The following RFC1 variants were observed in gnomAD, a reference collection of about 807,000 sequenced individuals.
The protein encoded by RFC1 is A1 140 kDa subunit.
A neutral mutation model predicts 137.4 loss-of-function variants in RFC1; 37 were observed. The ratio of observed to expected loss-of-function variants is 0.27; its 90% CI spans 0.21 to 0.35. RFC1 has a LOEUF of 0.35. RFC1 is among the 10% of genes least tolerant of loss of function. The probability of loss-of-function intolerance (pLI) is 1.00; values close to 1 mark genes in which losing one functional copy is unlikely to be tolerated. For synonymous variants in RFC1, 429 were observed against 455.7 expected (o/e 0.94, Z 0.75); for missense variants, 1,205 against 1,358.5 (o/e 0.89, Z 1.78).
intron 4 of RFC1, among the ~76,000 whole-genome samples, chr4:39,340,353 CCAGA>C (rs1414117606): frequency 2.0e-5 from 3 of 152,134 alleles, no homozygotes; most frequent in Non-Finnish European, 4.4e-5. Flanking sequence ...GCTCCAATCT[CCAGA>C]CAATCAATAC....
chr4:39,301,791 T>C (rs1738375247), intron 19 of RFC1, among the ~76,000 whole-genome samples: 2 of 152,288 alleles, frequency 1.3e-5, no homozygotes, highest in South Asian at 4.1e-4. Context: ...ACCAAAAATT[T>C]TGAAAATTTA....
Position 39,366,325 on chromosome 4 carries a change from C to G in RFC1, c.-84G>C. On this transcript the variant is annotated 5_prime_UTR_variant, in exon 1 of 25. Coordinates refer to ENST00000349703, the MANE Select transcript of RFC1 (RefSeq NM_002913.5). ...TATCGAGGCTCAGGATCCATTCGCG[C>G]CAACAACTTCTCCCGCGAAGTGCAA... 7.2e-7 allele frequency: 1 copy of G among 1,383,298 alleles called. No homozygotes were observed. Among genetic ancestry groups the G allele is most frequent in the Non-Finnish European group, 9.5e-7 (1 of 1,053,074 alleles). The allele number at this position is 1,383,298 out of a possible 1,614,324, so 85.7% of individuals were successfully genotyped here. A position where few individuals can be genotyped will look rare whatever the true frequency, so the allele number is the denominator to read the frequency against.
intron 1 of RFC1, chr4:39,355,884 C>T (rs1466602387): frequency 6.6e-6 from 1 of 151,886 alleles, no homozygotes; most frequent in Non-Finnish European, 1.5e-5. Flanking sequence ...CACCTGTAGT[C>T]CCAGCTACTT....
At chr4:39,350,824 C>G (rs887848087) in intron 2 of RFC1, among the ~76,000 whole-genome samples, 3 of 152,030 alleles carry the variant, frequency 2.0e-5, no homozygotes, top group Non-Finnish European at 4.4e-5. Flanking sequence ...ATAGCAAATA[C>G]GTGCATAAAA....
chr4:39,330,487 G>A (rs535229720), intron 4 of RFC1, among the ~76,000 whole-genome samples: 6 of 152,064 alleles, frequency 3.9e-5, no homozygotes, highest in African/African-American at 1.4e-4. Flanking sequence ...CTCCCTCCAA[G>A]GGCCTCCAAA....
chr4:39,355,098 TACACACACACACACACACAC>T (rs59438877), intron 1 of RFC1, among the ~76,000 whole-genome samples: 11 of 88,964 alleles, frequency 1.2e-4, no homozygotes, highest in Admixed American at 3.7e-4. Context: ...AAAAAAAAAA[TACACACACACACACACACAC>T]ACACACACAC....
At position 39,295,632 on chromosome 4, in the gene RFC1, G is replaced by A. The variant is rs755911170; in HGVS notation, c.2936C>T (p.Ala979Val). Residue 979 changes from alanine to valine, a missense_variant, in exon 22 of 25, where the codon GCC becomes GTC. Transcript: ENST00000349703. Reference sequence around the variant, plus strand: ...CACCTACCTGAGACTCATATGCAAGGCCAGGTCCTGAACAATACGATCATG... The same window carrying A: ...CACCTACCTGAGACTCATATGCAAGACCAGGTCCTGAACAATACGATCATG... ...GKHDRIVQDL[A>V]LHMSLRTYSS... The A allele has an allele frequency of 1.2e-6, 2 of 1,608,692 alleles. No homozygotes were observed. The highest frequency in any genetic ancestry group is 3.3e-4 in the Middle Eastern group (2 of 6,050).
chr4:39,293,552 T>C (rs1289239377), intron 22 of RFC1, among the ~76,000 whole-genome samples: 1 of 152,174 alleles, frequency 6.6e-6, no homozygotes, highest in Non-Finnish European at 1.5e-5. Flanking sequence ...GTTCAGTGAC[T>C]TGATCAGGGT....
intron 6 of RFC1, 30 bp downstream of exon 6, chr4:39,326,533 T>C: frequency 6.3e-7 from 1 of 1,587,706 alleles, no homozygotes; most frequent in Non-Finnish European, 8.6e-7. Flanking sequence ...AATATCAAGT[T>C]ACTAATGATT....
chr4:39,343,910 C>T (rs560352736), intron 3 of RFC1, among the ~76,000 whole-genome samples: 160 of 151,958 alleles, frequency 1.1e-3, no homozygotes, highest in African/African-American at 3.6e-3. Flanking sequence ...GTCAGGAGTT[C>T]GAGACCAGCC....
chr4:39,350,973 T>G (rs1741152717), intron 2 of RFC1, among the ~76,000 whole-genome samples: 1 of 152,146 alleles, frequency 6.6e-6, no homozygotes, highest in Non-Finnish European at 1.5e-5. Flanking sequence ...AGTGAATGGC[T>G]GGCACGGTGG....
intron 13 of RFC1, among the ~76,000 whole-genome samples, chr4:39,307,010 C>T (rs1203505946): frequency 1.3e-5 from 2 of 152,138 alleles, no homozygotes; most frequent in African/African-American, 4.8e-5. Flanking sequence ...TGCCGGGGCT[C>T]GATCCCAACT....
At chr4:39,324,292 C>T (rs1278151436) in intron 6 of RFC1, among the ~76,000 whole-genome samples, 2 of 152,162 alleles carry the variant, frequency 1.3e-5, no homozygotes, top group African/African-American at 4.8e-5. Context: ...CAGTTACTGA[C>T]ACCTAGAAGT....
intron 10 of RFC1, among the ~76,000 whole-genome samples, chr4:39,315,025 C>G (rs1399366555): frequency 6.6e-6 from 1 of 152,134 alleles, no homozygotes; most frequent in East Asian, 1.9e-4. Context: ...GTCACTTCCC[C>G]TTCTAGTCCT....
chr4:39,352,845 C>T (rs561755695), intron 1 of RFC1, among the ~76,000 whole-genome samples: 45 of 152,304 alleles, frequency 3.0e-4, no homozygotes, highest in African/African-American at 1.1e-3. Flanking sequence ...CTCTTCCTAT[C>T]CTTGATGGTT....
intron 4 of RFC1, among the ~76,000 whole-genome samples, chr4:39,330,053 A>T (rs527474077): frequency 5.7e-4 from 87 of 152,176 alleles, no homozygotes; most frequent in African/African-American, 2.0e-3. Context: ...ATTTTTTTTT[A>T]AATAAAAGAC....
At chr4:39,316,171 C>T (rs11730877) in intron 10 of RFC1, among the ~76,000 whole-genome samples, 69,984 of 152,070 alleles carry the variant, frequency 0.46, 16,275 homozygotes, top group Middle Eastern at 0.49. Context: ...TGGAGGTTGC[C>T]GTGAGCTGAG....
At chr4:39,311,067 G>A (rs1200900666) in intron 12 of RFC1, among the ~76,000 whole-genome samples, 1 of 151,914 alleles carries the variant, frequency 6.6e-6, no homozygotes, top group Non-Finnish European at 1.5e-5. Flanking sequence ...CTTGAACCCA[G>A]GAGGCAGAAG....
chr4:39,313,306 T>C (rs1739060515), intron 10 of RFC1, among the ~76,000 whole-genome samples: 1 of 152,242 alleles, frequency 6.6e-6, no homozygotes, highest in South Asian at 2.1e-4. Flanking sequence ...ACTCTTGCTA[T>C]TCAGGAAACT....
Sources: allele counts gnomAD v4.1 joint callset (sites outside exome capture counted in the v4.1 genomes callset), GRCh38; gene constraint gnomAD v4.1.1; transcripts MANE v1.5; gene names NCBI Gene and HGNC (gene_info 2026-07-23, HGNC 2026-07-21).